The following THSD1 variants were observed in gnomAD, a reference collection of about 807,000 sequenced individuals.
The protein encoded by THSD1 is thrombospondin type-1 domain-containing protein 1.
THSD1 carries 34 observed loss-of-function variants against 46.3 expected under a neutral mutation model. The observed-to-expected ratio is 0.74, with a 90% CI of 0.56 to 0.98. The LOEUF is 0.98. THSD1 is among the 50% of genes least tolerant of loss of function. THSD1 has a pLI of 0.00. For synonymous variants in THSD1, 407 were observed against 416.5 expected (o/e 0.98, Z 0.28); for missense variants, 1,023 against 1,058.3 (o/e 0.97, Z 0.46).
chr13:52,379,808 G>A (rs1277704855), intron 4 of THSD1, among the ~76,000 whole-genome samples: 2 of 152,076 alleles, frequency 1.3e-5, no homozygotes, highest in Admixed American at 1.3e-4. Context: ...GTTCACTTAC[G>A]ATAATGTAAA....
intron 2 of THSD1, chr13:52,400,132 G>C (rs889036836): frequency 2.6e-5 from 4 of 156,712 alleles, no homozygotes; most frequent in African/African-American, 9.7e-5. Context: ...GTGTATGACA[G>C]GGATTGTCAG....
At chr13:52,386,467 A>G (rs1413117776) in intron 3 of THSD1, among the ~76,000 whole-genome samples, 1 of 152,216 alleles carries the variant, frequency 6.6e-6, no homozygotes, top group Non-Finnish European at 1.5e-5. Flanking sequence ...TCTTCCAAGG[A>G]AAAATGAGAT....
rs370121501 is a variant in THSD1, at chr13:52,386,193, G to T, written c.1022-7C>A. 2.5e-5 allele frequency: 41 copies of T among 1,612,946 alleles called. No individual in the cohort carries two copies. The highest frequency in any genetic ancestry group is 1.6e-4 in the African/African-American group (12 of 74,886). ...TGCCACAGTCCCCAAGTTTCTGCAA[G>T]GATATAAGTTATGCTTTTAATGCTA... On this transcript the variant is annotated splice_region_variant and splice_polypyrimidine_tract_variant and intron_variant, in intron 3 of 4. Coordinates refer to ENST00000258613, the MANE Select transcript of THSD1 (RefSeq NM_018676.4).
chr13:52,404,691 T>C (rs1349386590), intron 1 of THSD1, among the ~76,000 whole-genome samples: 1 of 152,222 alleles, frequency 6.6e-6, no homozygotes, highest in Non-Finnish European at 1.5e-5. Context: ...ATTACAATGC[T>C]TCTTTTAAGT....
At chr13:52,403,018 C>T (rs924856672) in intron 1 of THSD1, 35 of 853,582 alleles carry the variant, frequency 4.1e-5, no homozygotes, top group Non-Finnish European at 4.8e-5. Context: ...AATTTGGATA[C>T]ATTTTCACAT....
Position 52,378,793 on chromosome 13 carries a change from C to CAA in THSD1, c.1181-6_1181-5dup, listed in dbSNP as rs113543720. ...GATGGGCTGGATGGCTGGAAAGCTGCAAAAAAAAACAAAACAAAACAAACA... is the reference window on the plus strand; with the variant it reads ...GATGGGCTGGATGGCTGGAAAGCTGCAAAAAAAAAAACAAAACAAAACAAACA... On this transcript the variant is annotated splice_region_variant and splice_polypyrimidine_tract_variant and intron_variant, in intron 4 of 4. Coordinates refer to ENST00000258613, the MANE Select transcript of THSD1 (RefSeq NM_018676.4). 16 of 1,518,058 alleles carry CAA rather than the reference C, an allele frequency of 1.1e-5. No individual in the cohort carries two copies. In the South Asian group the frequency reaches 1.5e-4, roughly 15 times the overall value. 94.0% of individuals were successfully genotyped at this position (1,518,058 alleles called of 1,614,324 possible). A position where few individuals can be genotyped will look rare whatever the true frequency, so the allele number is the denominator to read the frequency against.
chr13:52,383,299 A>G (rs1009057543), intron 4 of THSD1, among the ~76,000 whole-genome samples: 2 of 152,246 alleles, frequency 1.3e-5, no homozygotes, highest in Non-Finnish European at 2.9e-5. Flanking sequence ...AAAATGATCA[A>G]TATTCCACCA....
rs543365030 is a variant in THSD1, at chr13:52,377,916, G to T, written c.2054C>A (p.Thr685Lys). Residue 685 changes from threonine (T) to lysine (K), a missense_variant, in exon 5 of 5, where the codon ACG becomes AAG. By Grantham distance (78) the Thr-to-Lys change is moderately conservative. Around this residue, in one of 3 missense-constraint regions of THSD1, gnomAD observed 578 missense variants for 497.4 expected, o/e 1.16. Transcript: ENST00000258613. ...PRQAPAYSSR[T>K]RTCEQAEDRF... is the part of the protein sequence containing the mutation. ...GTCCTCTGCCTGCTCGCAGGTCCGCGTCCTAGAGCTGTAGGCAGGGGCCTG... is the reference window on the plus strand; with the variant it reads ...GTCCTCTGCCTGCTCGCAGGTCCGCTTCCTAGAGCTGTAGGCAGGGGCCTG... 1.6e-3 allele frequency: 2,555 copies of T among 1,614,126 alleles called. 61 individuals are homozygous for T. The South Asian group carries it at 0.026, about 17-fold the overall frequency.
At chr13:52,405,836 G>C (rs1957901775) in intron 1 of THSD1, among the ~76,000 whole-genome samples, 195 bp downstream of exon 1, 1 of 152,192 alleles carries the variant, frequency 6.6e-6, no homozygotes, top group Non-Finnish European at 1.5e-5. Context: ...TCGGGACTCC[G>C]AAGTGTGGAG....
At chr13:52,395,905 T>A (rs1957806327) in intron 3 of THSD1, among the ~76,000 whole-genome samples, 1 of 152,142 alleles carries the variant, frequency 6.6e-6, no homozygotes, top group Admixed American at 6.5e-5. Context: ...GATGTAACCT[T>A]GTCACTCAGC....
At chr13:52,381,173 C>T (rs1957689373) in intron 4 of THSD1, among the ~76,000 whole-genome samples, 1 of 152,150 alleles carries the variant, frequency 6.6e-6, no homozygotes, top group Admixed American at 6.5e-5. Context: ...CTCCCCCTAA[C>T]CAATTTACAA....
chr13:52,386,910 C>T (rs1957735440), intron 3 of THSD1, among the ~76,000 whole-genome samples: 2 of 152,132 alleles, frequency 1.3e-5, no homozygotes, highest in African/African-American at 4.8e-5. Flanking sequence ...GGGGAAGAGC[C>T]AAAAATATCC....
chr13:52,381,503 A>G (rs1299033362), intron 4 of THSD1, among the ~76,000 whole-genome samples: 2 of 152,174 alleles, frequency 1.3e-5, no homozygotes, highest in African/African-American at 4.8e-5. Flanking sequence ...TAGGTCACAC[A>G]CACACAAAAT....
intron 4 of THSD1, among the ~76,000 whole-genome samples, chr13:52,385,700 C>CAA (rs112762703): frequency 2.9e-4 from 44 of 151,890 alleles, no homozygotes; most frequent in African/African-American, 5.6e-4. Flanking sequence ...GGAGAAAAAA[C>CAA]AAAAAAATCT....
At chr13:52,390,395 C>A (rs949330758) in intron 3 of THSD1, among the ~76,000 whole-genome samples, 2 of 152,152 alleles carry the variant, frequency 1.3e-5, no homozygotes, top group Non-Finnish European at 2.9e-5. Context: ...AATATGAGTT[C>A]TTTACAGCAA....
At chr13:52,402,885 T>C (rs1957875790) in intron 1 of THSD1, 3 of 985,344 alleles carry the variant, frequency 3.0e-6, no homozygotes, top group Non-Finnish European at 3.6e-6. Context: ...GTCAAGAATA[T>C]GCAGGTATGC....
chr13:52,395,079 G>A (rs1041774293), intron 3 of THSD1, among the ~76,000 whole-genome samples: 14 of 152,156 alleles, frequency 9.2e-5, no homozygotes, highest in Admixed American at 6.5e-4. Context: ...GCAGGGATGT[G>A]GGGGCAGCCT....
At chr13:52,382,561 C>T (rs1201890537) in intron 4 of THSD1, among the ~76,000 whole-genome samples, 8 of 152,130 alleles carry the variant, frequency 5.3e-5, no homozygotes, top group Non-Finnish European at 1.2e-4. Context: ...GGCACACTAT[C>T]ATCCAGACAC....
rs1957644442 is a variant in THSD1 at position 52,377,688 on chromosome 13, C to T, written c.2282G>A (p.Arg761Gln). The change falls in exon 5 of 5, where the codon CGG becomes CAG. Residue 761 changes from arginine to glutamine, a missense_variant. Physicochemically the swap from Arg to Gln is conservative, Grantham distance 43. Coordinates refer to ENST00000258613, the MANE Select transcript of THSD1 (RefSeq NM_018676.4). ...ACTCTTGTGACTGGGGGACGGTCCC[C>T]GACGAGCTCTGTGGGGCTCTGTTCT... is the stretch of plus-strand genomic sequence containing the variant. ...IERTEPHRAR[R>Q]GPSPSHKSVS... The T allele has an allele frequency of 3.1e-6, 5 of 1,609,914 alleles. No homozygotes were observed. Among genetic ancestry groups the T allele is most frequent in the Non-Finnish European group, 4.2e-6 (5 of 1,176,876 alleles).
Sources: allele counts gnomAD v4.1 joint callset (sites outside exome capture counted in the v4.1 genomes callset), GRCh38; gene constraint gnomAD v4.1.1; regional missense constraint gnomAD v4.1.1; transcripts MANE v1.5; gene names NCBI Gene and HGNC (gene_info 2026-07-23, HGNC 2026-07-21).